Variants in LCT observed in about 807,000 individuals in gnomAD.
LCT encodes the protein lactase/phlorizin hydrolase.
LCT carries 90 observed loss-of-function variants against 173.0 expected under a neutral mutation model. The observed-to-expected ratio is 0.52, with a 90% confidence interval of 0.44 to 0.62. The LOEUF is 0.62. Among genes scored for constraint, LCT ranks in the 20% least tolerant of loss-of-function variants. LCT has a pLI of 0.00. For missense variants in LCT, 1,864 were observed against 2,431.4 expected (o/e 0.77, Z 4.91); for synonymous variants, 853 against 957.6 (o/e 0.89, Z 2.02).
chr2:135,819,226 T>A (rs1353076803), intron 5 of LCT, among the ~76,000 whole-genome samples: 1 of 152,222 alleles, frequency 6.6e-6, no homozygotes, highest in Non-Finnish European at 1.5e-5. Context: ...AAGTGCATGC[T>A]GCATTTATAC....
chr2:135,800,833 A>C, intron 11 of LCT, 24 bp from the exon 12 acceptor site: 30 of 1,554,158 alleles, frequency 1.9e-5, no homozygotes, highest in Non-Finnish European at 2.4e-5. Flanking sequence ...CATGGATGTC[A>C]ACAGAGAATG....
Position 135,790,910 on chromosome 2 carries a change from C to A in LCT, c.5112-29G>T. ...CAAGTTCAAAAACTAAAGATGAGGTCTTGTTTTGTAAATCTCAAGAGGCCC... is the reference window on the plus strand; with the variant it reads ...CAAGTTCAAAAACTAAAGATGAGGTATTGTTTTGTAAATCTCAAGAGGCCC... On this transcript the variant is annotated intron_variant, in intron 14 of 16. Coordinates refer to ENST00000264162, the MANE Select transcript of LCT (RefSeq NM_002299.4). This position sits in a 1 kb window ranked among gnomAD's most constrained non-coding sequence, Gnocchi z 4.1. 6.5e-7 allele frequency: 1 copy of A among 1,544,158 alleles called. No homozygotes were observed. Among genetic ancestry groups the A allele is most frequent in the Non-Finnish European group, 9.0e-7 (1 of 1,116,372 alleles).
intron 11 of LCT, among the ~76,000 whole-genome samples, chr2:135,803,054 G>A (rs944760537): frequency 6.6e-6 from 1 of 152,206 alleles, no homozygotes; most frequent in South Asian, 2.1e-4. Flanking sequence ...GGAGGTTGCA[G>A]TGAGCTGGTA....
At chr2:135,804,515 C>T (rs1257001060) in intron 10 of LCT, among the ~76,000 whole-genome samples, 1 of 152,270 alleles carries the variant, frequency 6.6e-6, no homozygotes, top group East Asian at 1.9e-4. Flanking sequence ...AACCCCGTCT[C>T]TACTAAAAAT....
rs772019264 is a variant in LCT, at chr2:135,817,299, C to T, written c.1707+42G>A. 41 of 1,599,954 alleles carry T rather than the reference C, an allele frequency of 2.6e-5. No individual in the cohort carries two copies. The Middle Eastern group carries it at 5.0e-4, about 20-fold the overall frequency. ...AAATGACTTTCTTCCAGCCAATGTCCTTTCTCCTCCAATTAGTAGGAGCTG... is the reference window on the plus strand; with the variant it reads ...AAATGACTTTCTTCCAGCCAATGTCTTTTCTCCTCCAATTAGTAGGAGCTG... On this transcript the variant is annotated intron_variant, in intron 6 of 16. Transcript: ENST00000264162.
intron 3 of LCT, among the ~76,000 whole-genome samples, chr2:135,826,648 C>G (rs867376983): frequency 6.6e-6 from 1 of 152,148 alleles, no homozygotes; most frequent in Admixed American, 6.5e-5. Flanking sequence ...GCCTCTGCTG[C>G]CTGTCAGAGG....
intron 2 of LCT, among the ~76,000 whole-genome samples, chr2:135,832,884 C>T (rs1303054425): frequency 6.6e-6 from 1 of 152,078 alleles, no homozygotes; most frequent in African/African-American, 2.4e-5. Context: ...TCAGAGCCAG[C>T]AGAGGCAAGT....
intron 14 of LCT, among the ~76,000 whole-genome samples, chr2:135,792,753 GTC>G (rs2077543115): frequency 6.6e-6 from 1 of 152,174 alleles, no homozygotes; most frequent in African/African-American, 2.4e-5. Context: ...CCCGAGGAGA[GTC>G]TGAGCTCAGA....
rs758837934 is a variant in LCT, at chr2:135,809,375, G to C, written c.2972C>G (p.Ser991Cys). Reference sequence around the variant, plus strand: ...ATAATCAACCCCATGACTGTTGATAGAGCTGTTTCTCCCAGTTGGGAAAAT... The same window carrying C: ...ATAATCAACCCCATGACTGTTGATACAGCTGTTTCTCCCAGTTGGGAAAAT... Reference protein sequence around the residue: ...SRIFPTGRNSSINSHGVDYYN... With the variant: ...SRIFPTGRNSCINSHGVDYYN... Residue 991 changes from serine to cysteine, a missense_variant, in exon 8 of 17, where the codon TCT becomes TGT. Coordinates refer to ENST00000264162, the MANE Select transcript of LCT (RefSeq NM_002299.4). This position sits in a 1 kb window ranked among gnomAD's most constrained non-coding sequence, Gnocchi z 5.5. 6.2e-7 allele frequency: 1 copy of C among 1,614,206 alleles called. No homozygotes were observed. Among genetic ancestry groups the C allele is most frequent in the Admixed American group, 1.7e-5 (1 of 60,024 alleles).
chr2:135,823,311 AC>A (rs1250656061), intron 4 of LCT, among the ~76,000 whole-genome samples: 1 of 151,926 alleles, frequency 6.6e-6, no homozygotes. Context: ...CATAGACCCC[AC>A]CTTTCCCCTG....
At chr2:135,815,997 G>A (rs749027115) in intron 6 of LCT, among the ~76,000 whole-genome samples, 8 of 152,096 alleles carry the variant, frequency 5.3e-5, no homozygotes, top group Non-Finnish European at 1.2e-4. Flanking sequence ...CACCATGCCC[G>A]GCCGGAAATA....
chr2:135,804,039 A>C lies in LCT; in HGVS notation c.4554T>G (p.Tyr1518Ter), dbSNP rs1386746121. The stretch of plus-strand genomic sequence containing the variant: ...CCAGCCTCTGGAAGAGCACATCTGC[A>C]TACTCCTTAAACCGCTGCACGATGG... Reference protein sequence around the residue: ...NETIVQRFKEYADVLFQRLGD... With the variant: ...NETIVQRFKE The change falls in exon 11 of 17, where the codon TAT (tyrosine) becomes TAG (stop). Residue 1518 changes from tyrosine to a stop codon, truncating the protein, a stop_gained. Coordinates refer to ENST00000264162, the MANE Select transcript of LCT (RefSeq NM_002299.4). LOFTEE classifies it high-confidence loss of function. 6.2e-7 allele frequency: 1 copy of C among 1,613,980 alleles called. No individual in the cohort carries two copies. The highest frequency in any genetic ancestry group is 1.3e-5 in the African/African-American group (1 of 74,908).
In LCT at chr2:135,817,331, TG is replaced by T; in HGVS notation, c.1707+9del. Reference sequence around the variant, plus strand: ...CTCCAATTAGTAGGAGCTGCAGGGTTGGGAAGTACCTTAAAAGAGGCCACTC... The same window carrying T: ...CTCCAATTAGTAGGAGCTGCAGGGTTGGAAGTACCTTAAAAGAGGCCACTC... On this transcript the variant is annotated intron_variant, in intron 6 of 16. Coordinates refer to ENST00000264162, the MANE Select transcript of LCT (RefSeq NM_002299.4). The T allele has an allele frequency of 6.2e-6, 10 of 1,613,418 alleles. No individual in the cohort carries two copies. Among genetic ancestry groups the T allele is most frequent in the Non-Finnish European group, 7.6e-6 (9 of 1,179,596 alleles).
chr2:135,809,925 G>A lies in LCT; in HGVS notation c.2422C>T (p.Pro808Ser), dbSNP rs138897785. The change falls in exon 8 of 17, where the codon CCT becomes TCT. Residue 808 changes from proline to serine, a missense_variant. By Grantham distance (74) the Pro-to-Ser change is moderately conservative. This residue lies in a region of LCT where 755 missense variants were observed against 926.3 expected (regional missense o/e 0.82). Coordinates refer to ENST00000264162, the MANE Select transcript of LCT (RefSeq NM_002299.4). The surrounding 1 kb of genome is among the most constrained non-coding windows in gnomAD (Gnocchi z 5.5). ...ARSLIDGFEG[P>S]SGYSQRFGLH... is the part of the protein sequence containing the mutation. ...CCAAACCGCTGGCTGTAACCAGAAG[G>A]GCCTTCGAAGCCATCAATGAGGGAA... 3.1e-6 allele frequency: 5 copies of A among 1,614,070 alleles called. No homozygotes were observed. The highest frequency in any genetic ancestry group is 4.2e-6 in the Non-Finnish European group (5 of 1,180,038).
At chr2:135,819,953 C>T (rs1438634854) in intron 5 of LCT, among the ~76,000 whole-genome samples, 2 of 152,096 alleles carry the variant, frequency 1.3e-5, no homozygotes, top group South Asian at 2.1e-4. Flanking sequence ...CTGGGTTTGC[C>T]GGCCATGGAG....
Position 135,817,700 on chromosome 2 carries a change from C to T in LCT, c.1348G>A (p.Val450Met). Reference protein sequence around the residue: ...VALLCGLRAQVYKFSISWSRI... With the variant: ...VALLCGLRAQMYKFSISWSRI... ...GACCAGGAGATGGAGAACTTGTACACCTGAGCCCGGAGGCCGCAAAGCAGG... is the reference window on the plus strand; with the variant it reads ...GACCAGGAGATGGAGAACTTGTACATCTGAGCCCGGAGGCCGCAAAGCAGG... The change falls in exon 6 of 17, where the codon GTG becomes ATG. Residue 450 changes from valine (V) to methionine (M), a missense_variant. Val to Met is a conservative substitution (Grantham distance 21). Transcript: ENST00000264162. 2 of 1,613,986 alleles carry T rather than the reference C, an allele frequency of 1.2e-6. No homozygotes were observed. Among genetic ancestry groups the T allele is most frequent in the South Asian group, 2.2e-5 (2 of 91,090 alleles).
At chr2:135,792,321 G>C (rs909680085) in intron 14 of LCT, among the ~76,000 whole-genome samples, 5 of 152,214 alleles carry the variant, frequency 3.3e-5, no homozygotes, top group African/African-American at 1.2e-4. Context: ...AGTGGAATTA[G>C]GGAGGGGCAG....
At chr2:135,810,774 C>T (rs915112241) in intron 7 of LCT, among the ~76,000 whole-genome samples, 5 of 149,610 alleles carry the variant, frequency 3.3e-5, no homozygotes, top group Admixed American at 6.7e-5. Flanking sequence ...CGCCTGTAAT[C>T]CCAGTACTTT....
intron 16 of LCT, 144 bp downstream of exon 16, chr2:135,789,427 A>G (rs2105516141): frequency 1.5e-6 from 1 of 688,278 alleles, no homozygotes; most frequent in South Asian, 1.7e-5. Context: ...TGGAGCATTC[A>G]AAGAAAATAA....
Sources: gnomAD v4.1 joint callset for allele counts (sites outside exome capture counted in the v4.1 genomes callset) on GRCh38, gnomAD v4.1.1 for gene constraint, gnomAD v4.1.1 regional missense constraint, Gnocchi (gnomAD v3.1) non-coding constraint, MANE v1.5 for transcripts, NCBI Gene and HGNC (gene_info 2026-07-23, HGNC 2026-07-21) for gene names.